The following GTF2E2 variants were observed in gnomAD, a reference collection of about 807,000 sequenced individuals.
GTF2E2 encodes the protein transcription initiation factor IIE subunit beta.
In GTF2E2, 21 loss-of-function variants were observed where a neutral mutation model predicts 40.5. That is an observed-to-expected ratio of 0.52 (90% confidence interval 0.37 to 0.75). The LOEUF (loss-of-function observed/expected upper bound fraction) is 0.75, where lower values mean the gene tolerates loss of function less well. GTF2E2 is among the 30% of genes least tolerant of loss of function. The pLI, the probability that GTF2E2 is intolerant of heterozygous loss-of-function variation, is 0.00. For synonymous variants in GTF2E2, 117 were observed against 121.6 expected (o/e 0.96, Z 0.25); for missense variants, 298 against 338.4 (o/e 0.88, Z 0.94).
chr8:30,598,773 C>T (rs182360827), intron 6 of GTF2E2, among the ~76,000 whole-genome samples: 1 of 152,170 alleles, frequency 6.6e-6, no homozygotes, highest in African/African-American at 2.4e-5. Context: ...CTTTTTAAAA[C>T]ATGTGGGGAC....
chr8:30,621,295 G>GA (rs1382848938), intron 3 of GTF2E2, among the ~76,000 whole-genome samples: 1 of 151,860 alleles, frequency 6.6e-6, no homozygotes, highest in East Asian at 1.9e-4. Flanking sequence ...ATTGGAATCA[G>GA]AAAAAAATCA....
intron 2 of GTF2E2, among the ~76,000 whole-genome samples, chr8:30,652,045 A>T (rs1280542197): frequency 6.6e-6 from 1 of 152,246 alleles, no homozygotes. Flanking sequence ...TTTGACTCTT[A>T]TGCTAATCCA....
intron 2 of GTF2E2, among the ~76,000 whole-genome samples, chr8:30,638,309 T>G (rs1392912164): frequency 1.3e-5 from 2 of 152,182 alleles, no homozygotes; most frequent in Non-Finnish European, 2.9e-5. Flanking sequence ...GCCCTAGCAC[T>G]GAAGTATTCA....
At chr8:30,600,735 A>T (rs1008418471) in intron 6 of GTF2E2, among the ~76,000 whole-genome samples, 1 of 152,220 alleles carries the variant, frequency 6.6e-6, no homozygotes, top group African/African-American at 2.4e-5. Flanking sequence ...GCCTTTGAAA[A>T]ATAAGTTGCC....
At chr8:30,630,816 G>C (rs1168259439) in intron 3 of GTF2E2, among the ~76,000 whole-genome samples, 1 of 152,066 alleles carries the variant, frequency 6.6e-6, no homozygotes, top group Non-Finnish European at 1.5e-5. Context: ...TTTTCAAAGA[G>C]TTTAAAATAT....
intron 2 of GTF2E2, among the ~76,000 whole-genome samples, chr8:30,641,322 C>A (rs1431274755): frequency 6.6e-6 from 1 of 152,090 alleles, no homozygotes; most frequent in Admixed American, 6.6e-5. Context: ...TTGGAGGTGG[C>A]CTATGGTGTT....
At chr8:30,612,118 G>A (rs1343789920) in intron 5 of GTF2E2, among the ~76,000 whole-genome samples, 181 bp downstream of exon 5, 1 of 152,178 alleles carries the variant, frequency 6.6e-6, no homozygotes, top group African/African-American at 2.4e-5. Flanking sequence ...ACACAGAGAT[G>A]GCTGCTCCCT....
At chr8:30,598,958 G>A (rs538878697) in intron 6 of GTF2E2, among the ~76,000 whole-genome samples, 2 of 152,086 alleles carry the variant, frequency 1.3e-5, no homozygotes, top group Non-Finnish European at 2.9e-5. Flanking sequence ...AGGAGTTCAA[G>A]ACCAGTCTGG....
intron 3 of GTF2E2, among the ~76,000 whole-genome samples, chr8:30,627,419 T>A (rs1801312101): frequency 7.7e-6 from 1 of 129,412 alleles, no homozygotes; most frequent in African/African-American, 2.9e-5. Flanking sequence ...CATTAGTGAC[T>A]GGCTCACGGC....
At chr8:30,649,816 A>G (rs1339122869) in intron 2 of GTF2E2, among the ~76,000 whole-genome samples, 1 of 152,254 alleles carries the variant, frequency 6.6e-6, no homozygotes, top group Non-Finnish European at 1.5e-5. Flanking sequence ...TATAGATATC[A>G]AAAGGATTAT....
chr8:30,608,939 C>G (rs1233090732), intron 5 of GTF2E2, among the ~76,000 whole-genome samples: 3 of 152,118 alleles, frequency 2.0e-5, no homozygotes, highest in African/African-American at 7.2e-5. Context: ...TTAGTAGAGA[C>G]AGCGTTTCAC....
rs191455821 is a variant in GTF2E2 at position 30,637,278 on chromosome 8, T to C, written c.167-2155A>G. On this transcript the variant is annotated intron_variant, in intron 2 of 7. Coordinates refer to ENST00000355904, the MANE Select transcript of GTF2E2 (RefSeq NM_002095.6). Reference sequence around the variant, plus strand: ...ACTGTATAAACAACTGGGAAGACTATGAAAAAAGAGATGACAATGTGTTAA... The same window carrying C: ...ACTGTATAAACAACTGGGAAGACTACGAAAAAAGAGATGACAATGTGTTAA... 5.4e-3 allele frequency: 2,462 copies of C among 456,040 alleles called. 21 individuals are homozygous for C. Among genetic ancestry groups the C allele is most frequent in the South Asian group, 0.013 (809 of 64,532 alleles). The allele number at this position is 456,040 out of a possible 1,614,324, so 28.2% of individuals were successfully genotyped here.
At chr8:30,657,170 CAA>C (rs996968537) in intron 1 of GTF2E2, among the ~76,000 whole-genome samples, 2 of 152,180 alleles carry the variant, frequency 1.3e-5, no homozygotes, top group African/African-American at 2.4e-5. Flanking sequence ...CCTCCTTTTT[CAA>C]AGACTACCCA....
At chr8:30,590,419 T>A (rs377520126) in intron 6 of GTF2E2, among the ~76,000 whole-genome samples, 4 of 152,240 alleles carry the variant, frequency 2.6e-5, no homozygotes, top group East Asian at 3.8e-4. Context: ...AATGTGAATT[T>A]GGGTTAACAC....
At position 30,578,372 on chromosome 8, in the gene GTF2E2, TC is replaced by T. The variant is rs1183565575; in HGVS notation, c.*548del. On this transcript the variant is annotated 3_prime_UTR_variant, in exon 8 of 8. Coordinates refer to ENST00000355904, the MANE Select transcript of GTF2E2 (RefSeq NM_002095.6). ...TTGCTAACAAGCAGCACACCTGTGT[TC>T]CAGTGGTGAAATCCATGTGCTCAGC... 1.3e-5 allele frequency: 2 copies of T among 152,410 alleles called. No individual in the cohort carries two copies. Among genetic ancestry groups the T allele is most frequent in the Non-Finnish European group, 2.9e-5 (2 of 68,202 alleles). The allele number at this position is 152,410 out of a possible 1,614,324, so 9.4% of individuals were successfully genotyped here. A position where few individuals can be genotyped will look rare whatever the true frequency, so the allele number is the denominator to read the frequency against.
intron 3 of GTF2E2, among the ~76,000 whole-genome samples, chr8:30,631,179 C>A (rs772677903): frequency 9.2e-5 from 14 of 152,076 alleles, no homozygotes; most frequent in Non-Finnish European, 1.5e-4. Context: ...TGCCAACACA[C>A]CTGGTTAATT....
intron 4 of GTF2E2, among the ~76,000 whole-genome samples, chr8:30,612,926 G>T (rs904361254): frequency 6.6e-6 from 1 of 152,182 alleles, no homozygotes; most frequent in Non-Finnish European, 1.5e-5. Context: ...AGTACCTTAT[G>T]AATACAAACT....
intron 6 of GTF2E2, among the ~76,000 whole-genome samples, chr8:30,588,345 A>G (rs915531265): frequency 1.3e-5 from 2 of 152,232 alleles, no homozygotes; most frequent in Non-Finnish European, 2.9e-5. Flanking sequence ...AGATGAACGG[A>G]TAACAAAAAT....
intron 6 of GTF2E2, among the ~76,000 whole-genome samples, chr8:30,592,581 A>T (rs1828880478): frequency 6.6e-6 from 1 of 152,200 alleles, no homozygotes; most frequent in Admixed American, 6.5e-5. Flanking sequence ...CAAATGGTAT[A>T]GTATCTACAT....
Sources: gnomAD v4.1 joint callset for allele counts (sites outside exome capture counted in the v4.1 genomes callset) on GRCh38, gnomAD v4.1.1 for gene constraint, MANE v1.5 for transcripts, NCBI Gene and HGNC (gene_info 2026-07-23, HGNC 2026-07-21) for gene names.